HDAC4: variants seen among roughly 807,000 people sequenced by gnomAD.
The protein encoded by HDAC4 is histone deacetylase A.
A neutral mutation model predicts 135.1 loss-of-function variants in HDAC4; 16 were observed. The ratio of observed to expected loss-of-function variants is 0.12; its 90% confidence interval spans 0.08 to 0.18. The LOEUF (loss-of-function observed/expected upper bound fraction) is 0.18, where lower values mean the gene tolerates loss of function less well. HDAC4 is among the 10% of genes least tolerant of loss of function. The probability of loss-of-function intolerance (pLI) is 1.00; values close to 1 mark genes in which losing one functional copy is unlikely to be tolerated. For synonymous variants in HDAC4, 685 were observed against 653.4 expected, an observed-to-expected ratio of 1.05 and a Z score of -0.74; for missense variants, 1,143 against 1,511.8, an observed-to-expected ratio of 0.76 and a Z score of 4.05.
intron 22 of HDAC4, 75 bp downstream of exon 22, chr2:239,081,020 A>C: frequency 8.5e-7 from 1 of 1,182,304 alleles, no homozygotes; most frequent in African/African-American, 1.5e-5. Context: ...GCTCATCTCC[A>C]ACAAGTGCTT....
In HDAC4 at chr2:239,352,472, A is replaced by G. The variant is rs902639556; in HGVS notation, c.22+206T>C. ...ACCGGGGTCGCAGACTTGACTCCAC[A>G]TCCTCCCAGGTTTTATCATTCTTCT... is the stretch of plus-strand genomic sequence containing the variant. On this transcript the variant is annotated intron_variant, in intron 2 of 26. Transcript: ENST00000543185. The surrounding 1 kb of genome is among the most constrained non-coding windows in gnomAD (Gnocchi z 4.4). 3.3e-5 allele frequency among the ~76,000 whole-genome samples: 5 copies of G among 152,124 alleles called. No homozygotes were observed. Among genetic ancestry groups the G allele is most frequent in the Non-Finnish European group, 5.9e-5 (4 of 68,004 alleles).
chr2:239,212,610 C>G (rs976554232), intron 3 of HDAC4, among the ~76,000 whole-genome samples: 1 of 152,216 alleles, frequency 6.6e-6, no homozygotes, highest in African/African-American at 2.4e-5. Flanking sequence ...CAACCCCATT[C>G]CCCCAGAATT....
At position 239,292,833 on chromosome 2, in the gene HDAC4, CAG is replaced by C. The variant is rs2051611054; in HGVS notation, c.23-56171_23-56170del. 2.0e-5 allele frequency among the ~76,000 whole-genome samples: 3 copies of C among 152,170 alleles called. No homozygotes were observed. The South Asian group carries it at 6.2e-4, about 31-fold the overall frequency. ...CTAGACCGTCCTTTTAATACCCAAA[CAG>C]AAATTACAAGAGACTAAAAGCTGGG... On this transcript the variant is annotated intron_variant, in intron 2 of 26. Coordinates refer to ENST00000543185, the MANE Select transcript of HDAC4 (RefSeq NM_001378414.1).
intron 2 of HDAC4, among the ~76,000 whole-genome samples, chr2:239,320,797 C>G (rs189521091): frequency 1.6e-4 from 24 of 152,286 alleles, no homozygotes; most frequent in African/African-American, 5.8e-4. Flanking sequence ...AAGACAAGGC[C>G]TCTAGAGTTT....
intron 20 of HDAC4, 104 bp from the exon 21 acceptor site, chr2:239,082,325 C>T (rs908703247): frequency 3.2e-5 from 47 of 1,453,358 alleles, no homozygotes; most frequent in Non-Finnish European, 4.2e-5. Context: ...ACAACGGCTC[C>T]TGCTCAGGAA....
chr2:239,073,425 C>T (rs796780807), intron 22 of HDAC4, among the ~76,000 whole-genome samples: 3 of 152,354 alleles, frequency 2.0e-5, no homozygotes, highest in South Asian at 2.1e-4. Context: ...GTGGGCCACA[C>T]GGTCTCTGCC....
In HDAC4 at chr2:239,167,732, T is replaced by A. The variant is rs1412959659; in HGVS notation, c.491-3809A>T. On this transcript the variant is annotated intron_variant, in intron 5 of 26. Coordinates refer to ENST00000543185, the MANE Select transcript of HDAC4 (RefSeq NM_001378414.1). The surrounding 1 kb of genome is among the most constrained non-coding windows in gnomAD (Gnocchi z 4.1). Reference sequence around the variant, plus strand: ...CTCCCTAATTTTTACTTTTACTTTTTTTTTTTTTTTCTTAATTCACATTGA... The same window carrying A: ...CTCCCTAATTTTTACTTTTACTTTTATTTTTTTTTTCTTAATTCACATTGA... Among the ~76,000 whole-genome samples the A allele has an allele frequency of 1.3e-5, 2 of 152,038 alleles. No individual in the cohort carries two copies. The highest frequency in any genetic ancestry group is 1.3e-4 in the Admixed American group (2 of 15,278).
chr2:239,234,080 T>G (rs140514622), intron 3 of HDAC4, among the ~76,000 whole-genome samples: 17 of 152,348 alleles, frequency 1.1e-4, no homozygotes, highest in Middle Eastern at 6.8e-3. Context: ...TTGCAGTATT[T>G]TTCAGTGGGT....
intron 3 of HDAC4, among the ~76,000 whole-genome samples, chr2:239,228,786 A>C (rs2047384117): frequency 1.3e-5 from 2 of 152,168 alleles, no homozygotes; most frequent in Non-Finnish European, 1.5e-5. Context: ...CACCACATCT[A>C]GTGAACAAGG....
intron 4 of HDAC4, among the ~76,000 whole-genome samples, chr2:239,181,708 C>G (rs1487063998): frequency 1.3e-5 from 2 of 152,202 alleles, no homozygotes; most frequent in Non-Finnish European, 2.9e-5. Context: ...CTGCTCCACC[C>G]ACCTGCTTGC....
rs540143726 is a variant in HDAC4, at chr2:239,070,248, G to A, written c.2751-1641C>T. ...GAACACCAACACACACAGGTGTAAG[G>A]GAATTACAACACAAGACACTTAAGA... On this transcript the variant is annotated intron_variant, in intron 22 of 26. Coordinates refer to ENST00000543185, the MANE Select transcript of HDAC4 (RefSeq NM_001378414.1). Among the ~76,000 whole-genome samples the A allele has an allele frequency of 2.6e-5, 4 of 152,304 alleles. No individual in the cohort carries two copies. The South Asian group carries it at 6.2e-4, about 24-fold the overall frequency.
At chr2:239,275,975 G>A (rs545973893) in intron 2 of HDAC4, among the ~76,000 whole-genome samples, 28 of 152,256 alleles carry the variant, frequency 1.8e-4, no homozygotes, top group South Asian at 1.0e-3. Flanking sequence ...GGCACCAGGC[G>A]GTGGTGGACA....
At chr2:239,234,487 C>T (rs1040159016) in intron 3 of HDAC4, among the ~76,000 whole-genome samples, 6 of 152,088 alleles carry the variant, frequency 3.9e-5, no homozygotes, top group Non-Finnish European at 8.8e-5. Context: ...AGGCCTTGAA[C>T]GGGGATATAA....
chr2:239,122,968 C>G (rs550604659), intron 12 of HDAC4, among the ~76,000 whole-genome samples: 2 of 152,304 alleles, frequency 1.3e-5, no homozygotes, highest in Non-Finnish European at 2.9e-5. Flanking sequence ...AGGGCCGGGA[C>G]GTCAGTGTTA....
intron 13 of HDAC4, among the ~76,000 whole-genome samples, chr2:239,113,366 C>T (rs1316032528): frequency 2.6e-5 from 4 of 152,256 alleles, no homozygotes; most frequent in African/African-American, 4.8e-5. Context: ...CACAGGCCCC[C>T]AGTCTGCTGC....
chr2:239,221,912 CT>C (rs1200019354), intron 3 of HDAC4, among the ~76,000 whole-genome samples: 2 of 152,148 alleles, frequency 1.3e-5, no homozygotes, highest in Non-Finnish European at 2.9e-5. Flanking sequence ...ACTTAAAAGG[CT>C]TTTTTTCTTC....
chr2:239,111,735 T>A (rs758943070), intron 13 of HDAC4, 23 bp from the exon 14 acceptor site: 6 of 1,573,764 alleles, frequency 3.8e-6, no homozygotes, highest in Middle Eastern at 1.7e-4. Context: ...AACGGCCGTG[T>A]TGGCGGTTGC....
intron 12 of HDAC4, among the ~76,000 whole-genome samples, chr2:239,117,565 CA>C (rs34154007): frequency 1.8e-3 from 204 of 116,234 alleles, no homozygotes; most frequent in African/African-American, 5.9e-3. Context: ...CGGGAAGTGG[CA>C]AAAAAAAAAA....
intron 2 of HDAC4, among the ~76,000 whole-genome samples, chr2:239,320,212 G>A (rs754647337): frequency 3.3e-5 from 5 of 151,810 alleles, no homozygotes; most frequent in African/African-American, 7.3e-5. Context: ...GTGAAACCCC[G>A]TCTCTACTTA....
Sources: allele counts gnomAD v4.1 joint callset (sites outside exome capture counted in the v4.1 genomes callset), GRCh38; gene constraint gnomAD v4.1.1; non-coding constraint Gnocchi (gnomAD v3.1); transcripts MANE v1.5; gene names NCBI Gene and HGNC (gene_info 2026-07-23, HGNC 2026-07-21).